The following CHRM5 variants were observed in gnomAD, a reference collection of about 807,000 sequenced individuals.
CHRM5 encodes cholinergic receptor muscarinic 5.
In CHRM5, 18 loss-of-function variants were observed where a neutral mutation model predicts 39.0. That is an observed-to-expected ratio of 0.46 (90% CI 0.32 to 0.68). The LOEUF is 0.68. CHRM5 is among the 30% of genes least tolerant of loss of function. The pLI is 0.04. For missense variants in CHRM5, 515 were observed against 651.1 expected (o/e 0.79, Z 2.28); for synonymous variants, 241 against 246.3 (o/e 0.98, Z 0.20).
chr15:34,059,116 C>T (rs1378624775), intron 2 of CHRM5, among the ~76,000 whole-genome samples: 1 of 151,422 alleles, frequency 6.6e-6, no homozygotes, highest in African/African-American at 2.4e-5. Flanking sequence ...AGGCTGGTCT[C>T]GAATTCCTGA....
At position 34,038,827 on chromosome 15, in the gene CHRM5, C is replaced by T. The variant is rs1006163343; in HGVS notation, c.-407-7713C>T. 5.0e-6 allele frequency: 6 copies of T among 1,191,248 alleles called. No individual in the cohort carries two copies. Among genetic ancestry groups the T allele is most frequent in the Non-Finnish European group, 6.2e-6 (6 of 962,132 alleles). The allele number at this position is 1,191,248 out of a possible 1,614,324, so 73.8% of individuals were successfully genotyped here. On this transcript the variant is annotated intron_variant, in intron 1 of 2. Transcript: ENST00000383263. ...CAGCCTCCCGGCTCCCGGCGGCTGC[C>T]TCGCGGGGCGCCTCCTCCTCCTCGG...
intron 1 of CHRM5, chr15:34,038,890 G>C: frequency 8.8e-6 from 10 of 1,134,668 alleles, no homozygotes; most frequent in Non-Finnish European, 1.1e-5. Context: ...CCACGGCCAC[G>C]GCCCCGGCGT....
At chr15:34,027,321 C>A (rs943784691) in intron 1 of CHRM5, among the ~76,000 whole-genome samples, 5 of 151,944 alleles carry the variant, frequency 3.3e-5, no homozygotes, top group Non-Finnish European at 7.4e-5. Context: ...TCAAAACCAG[C>A]CTGGCCAACA....
intron 1 of CHRM5, among the ~76,000 whole-genome samples, chr15:34,042,410 T>G (rs1312437059): frequency 1.3e-5 from 2 of 150,700 alleles, no homozygotes; most frequent in Non-Finnish European, 3.0e-5. Flanking sequence ...TTTTTTTTTT[T>G]TTTTTTTGAG....
intron 1 of CHRM5, among the ~76,000 whole-genome samples, chr15:34,041,219 CA>C (rs1899463229): frequency 1.3e-5 from 2 of 152,144 alleles, no homozygotes; most frequent in African/African-American, 4.8e-5. Context: ...TTAAGACAAC[CA>C]AAAACATCTC....
intron 1 of CHRM5, among the ~76,000 whole-genome samples, chr15:33,992,261 G>A (rs755171840): frequency 5.9e-5 from 9 of 152,136 alleles, no homozygotes; most frequent in Non-Finnish European, 1.3e-4. Context: ...GTGGTGGCGG[G>A]CACCTGTAGT....
intron 1 of CHRM5, among the ~76,000 whole-genome samples, chr15:33,989,823 T>C: frequency 6.6e-6 from 1 of 151,652 alleles, no homozygotes; most frequent in Middle Eastern, 3.4e-3. Context: ...TCTTAATTTT[T>C]TTAAGGAGAG....
intron 1 of CHRM5, among the ~76,000 whole-genome samples, chr15:33,987,577 G>GTT (rs965594203): frequency 1.3e-5 from 2 of 152,126 alleles, no homozygotes; most frequent in African/African-American, 4.8e-5. Context: ...GCGAACAATG[G>GTT]TTTTTTTCTC....
rs1434926817 is a variant in CHRM5 at position 34,063,127 on chromosome 15, C to T, written c.410C>T (p.Thr137Ile). The change falls in exon 3 of 3, where the codon ACA (threonine) becomes ATA (isoleucine). Residue 137 changes from threonine to isoleucine, a missense_variant. Physicochemically the swap from Thr to Ile is moderately conservative, Grantham distance 89. Coordinates refer to ENST00000383263, the MANE Select transcript of CHRM5 (RefSeq NM_012125.4). The surrounding 1 kb of genome is among the most constrained non-coding windows in gnomAD (Gnocchi z 4.1). ...TACTTTTCCATCACAAGACCCTTGACATATCGGGCCAAGCGTACTCCGAAA... is the reference window on the plus strand; with the variant it reads ...TACTTTTCCATCACAAGACCCTTGATATATCGGGCCAAGCGTACTCCGAAA... ...DRYFSITRPL[T>I]YRAKRTPKRA... 1 of 1,614,188 alleles carries T rather than the reference C, an allele frequency of 6.2e-7. No homozygotes were observed. Among genetic ancestry groups the T allele is most frequent in the Non-Finnish European group, 8.5e-7 (1 of 1,180,036 alleles).
In CHRM5 at chr15:34,063,683, A is replaced by C. The variant is rs1234875988; in HGVS notation, c.966A>C (p.Gln322His). The change falls in exon 3 of 3, where the codon CAA becomes CAC. Residue 322 changes from glutamine to histidine, a missense_variant. Coordinates refer to ENST00000383263, the MANE Select transcript of CHRM5 (RefSeq NM_012125.4). The surrounding 1 kb of genome is among the most constrained non-coding windows in gnomAD (Gnocchi z 4.1). Reference sequence around the variant, plus strand: ...AGCCCGCCACTGACCCTGTCCTCCAAGTGGTCTACAAGAGTCAGGGTAAGG... The same window carrying C: ...AGCCCGCCACTGACCCTGTCCTCCACGTGGTCTACAAGAGTCAGGGTAAGG... Reference protein sequence around the residue: ...EDKPATDPVLQVVYKSQGKES... With the variant: ...EDKPATDPVLHVVYKSQGKES... The C allele has an allele frequency of 6.2e-7, 1 of 1,614,082 alleles. No homozygotes were observed. Among genetic ancestry groups the C allele is most frequent in the African/African-American group, 1.3e-5 (1 of 74,918 alleles).
intron 1 of CHRM5, among the ~76,000 whole-genome samples, chr15:34,016,345 T>A (rs1166955756): frequency 6.6e-6 from 1 of 152,218 alleles, no homozygotes; most frequent in African/African-American, 2.4e-5. Context: ...CTTTTAAAAA[T>A]CTTATTATGT....
At chr15:33,983,181 C>T (rs1311389663) in intron 1 of CHRM5, among the ~76,000 whole-genome samples, 2 of 108,208 alleles carry the variant, frequency 1.8e-5, no homozygotes, top group African/African-American at 7.5e-5. Context: ...TATATATACA[C>T]ACGTGTGTGT....
At chr15:33,983,912 T>C (rs1315621156) in intron 1 of CHRM5, among the ~76,000 whole-genome samples, 2 of 148,994 alleles carry the variant, frequency 1.3e-5, no homozygotes, top group Non-Finnish European at 3.0e-5. Flanking sequence ...CCAGAATCCA[T>C]AATCTCAGCC....
intron 1 of CHRM5, chr15:34,003,177 T>C (rs1471743473): frequency 1.2e-6 from 2 of 1,613,758 alleles, no homozygotes; most frequent in Non-Finnish European, 1.7e-6. Flanking sequence ...CATTCTCTTC[T>C]CCATAGGTCT....
chr15:34,043,013 C>T (rs927707891), intron 1 of CHRM5, among the ~76,000 whole-genome samples: 24 of 151,866 alleles, frequency 1.6e-4, no homozygotes, highest in African/African-American at 5.6e-4. Flanking sequence ...TTTGGGAGGC[C>T]GAGGTGGGTG....
chr15:33,969,623 G>T (rs1159139007), intron 1 of CHRM5, among the ~76,000 whole-genome samples: 1 of 151,916 alleles, frequency 6.6e-6, no homozygotes, highest in Admixed American at 6.6e-5. Flanking sequence ...AGAAAAAAAA[G>T]CTGTGATGTC....
chr15:34,027,538 AAAAG>A (rs1555518024), intron 1 of CHRM5, among the ~76,000 whole-genome samples: 1 of 151,362 alleles, frequency 6.6e-6, no homozygotes, highest in African/African-American at 2.4e-5. Flanking sequence ...CAAAAAAAAA[AAAAG>A]AAAGAAAACG....
intron 1 of CHRM5, among the ~76,000 whole-genome samples, chr15:34,025,062 T>A (rs1597365513): frequency 6.7e-6 from 1 of 149,510 alleles, no homozygotes; most frequent in African/African-American, 2.5e-5. Flanking sequence ...TCCAGCTACT[T>A]GGGAGGCTGA....
At chr15:34,056,439 T>A (rs558888699) in intron 2 of CHRM5, among the ~76,000 whole-genome samples, 1 of 152,352 alleles carries the variant, frequency 6.6e-6, no homozygotes, top group South Asian at 2.1e-4. Flanking sequence ...AAAGGCTAGA[T>A]AAGCTAAGCT....
Sources: gnomAD v4.1 joint callset for allele counts (sites outside exome capture counted in the v4.1 genomes callset) on GRCh38, gnomAD v4.1.1 for gene constraint, Gnocchi (gnomAD v3.1) non-coding constraint, MANE v1.5 for transcripts, NCBI Gene and HGNC (gene_info 2026-07-23, HGNC 2026-07-21) for gene names.